CLASP1: variants seen among roughly 807,000 people sequenced by gnomAD.
CLASP1 encodes the protein cytoplasmic linker associated protein 1.
Under a neutral mutation model 192.3 loss-of-function variants are expected in CLASP1, and 38 were observed. The ratio of observed to expected loss-of-function variants is 0.20; its 90% CI spans 0.15 to 0.26. The LOEUF (loss-of-function observed/expected upper bound fraction) is 0.26. Ranked by LOEUF, CLASP1 falls within the 10% of genes least tolerant of loss-of-function variation. CLASP1 has a pLI of 1.00. For missense variants in CLASP1, 1,433 were observed against 1,932.5 expected, an observed-to-expected ratio of 0.74 and a Z score of 4.85; for synonymous variants, 691 against 712.8, an observed-to-expected ratio of 0.97 and a Z score of 0.49.
intron 2 of CLASP1, among the ~76,000 whole-genome samples, chr2:121,601,366 G>A (rs548885494): frequency 5.2e-4 from 79 of 150,904 alleles, no homozygotes; most frequent in African/African-American, 1.5e-3. Flanking sequence ...TCTGCCTTCC[G>A]GGTTGAAGCA....
At chr2:121,560,107 T>C (rs2058944463) in intron 2 of CLASP1, among the ~76,000 whole-genome samples, 1 of 152,196 alleles carries the variant, frequency 6.6e-6, no homozygotes, top group Admixed American at 6.5e-5. Context: ...GGGTGAAATG[T>C]ACATGGGAAC....
intron 15 of CLASP1, 62 bp downstream of exon 15, chr2:121,451,728 C>G: frequency 7.5e-7 from 1 of 1,337,326 alleles, no homozygotes; most frequent in South Asian, 1.3e-5. Context: ...GGACCACTCA[C>G]CAAAGCATTC....
intron 8 of CLASP1, among the ~76,000 whole-genome samples, chr2:121,497,484 A>G (rs1366259278): frequency 6.6e-6 from 1 of 152,220 alleles, no homozygotes; most frequent in Non-Finnish European, 1.5e-5. Context: ...ATCCTGTACC[A>G]AGATCTGTAT....
intron 6 of CLASP1, among the ~76,000 whole-genome samples, chr2:121,516,955 C>A (rs558120541): frequency 6.6e-6 from 1 of 152,208 alleles, no homozygotes; most frequent in East Asian, 1.9e-4. Context: ...CACTTGGAGG[C>A]GGAGTTTGCA....
At chr2:121,525,137 C>G (rs1040826808) in intron 6 of CLASP1, among the ~76,000 whole-genome samples, 1 of 152,108 alleles carries the variant, frequency 6.6e-6, no homozygotes, top group Non-Finnish European at 1.5e-5. Context: ...AATGAAGTAT[C>G]ATTCTTATCA....
At chr2:121,428,305 T>G (rs1305412079) in intron 20 of CLASP1, among the ~76,000 whole-genome samples, 1 of 152,228 alleles carries the variant, frequency 6.6e-6, no homozygotes, top group Non-Finnish European at 1.5e-5. Context: ...ACCCCAGTGT[T>G]GATAAACAGC....
chr2:121,423,728 A>G (rs537972389), intron 22 of CLASP1, among the ~76,000 whole-genome samples: 3 of 152,328 alleles, frequency 2.0e-5, no homozygotes, highest in East Asian at 3.9e-4. Flanking sequence ...CAACACCCAA[A>G]TAACTTGTCA....
chr2:121,431,791 C>T (rs1352809659), intron 19 of CLASP1, among the ~76,000 whole-genome samples: 3 of 147,772 alleles, frequency 2.0e-5, no homozygotes, highest in Non-Finnish European at 4.5e-5. Context: ...ACCAATAACT[C>T]TGTGGTTTTG....
intron 19 of CLASP1, among the ~76,000 whole-genome samples, chr2:121,442,461 C>T (rs1378357418): frequency 1.3e-5 from 2 of 150,850 alleles, no homozygotes; most frequent in Non-Finnish European, 3.0e-5. Flanking sequence ...TAAACTCAAA[C>T]GTACTGCCTA....
In CLASP1 at chr2:121,448,262, G is replaced by A; in HGVS notation, c.1741+14C>T. 2 of 1,611,964 alleles carry A rather than the reference G, an allele frequency of 1.2e-6. No homozygotes were observed. Among genetic ancestry groups the A allele is most frequent in the Non-Finnish European group, 1.7e-6 (2 of 1,178,016 alleles). ...GAGCGGAGAACAGGCCTTCTCCACG[G>A]CTGTCAGTCTCACCTCTAGATGTGG... On this transcript the variant is annotated intron_variant, in intron 18 of 39. Transcript: ENST00000263710.
intron 2 of CLASP1, among the ~76,000 whole-genome samples, chr2:121,555,533 G>C (rs2058467942): frequency 6.6e-6 from 1 of 152,172 alleles, no homozygotes; most frequent in Non-Finnish European, 1.5e-5. Flanking sequence ...AGGTGAATAA[G>C]ACAAACAGGA....
At chr2:121,563,028 T>C (rs1276138292) in intron 2 of CLASP1, among the ~76,000 whole-genome samples, 1 of 152,180 alleles carries the variant, frequency 6.6e-6, no homozygotes, top group Non-Finnish European at 1.5e-5. Context: ...GGGTTGGGGA[T>C]GGGCAATGTA....
At chr2:121,523,980 T>C (rs2094515367) in intron 6 of CLASP1, among the ~76,000 whole-genome samples, 1 of 152,208 alleles carries the variant, frequency 6.6e-6, no homozygotes, top group African/African-American at 2.4e-5. Flanking sequence ...AGTGCTCCCC[T>C]CCCCAAACCA....
chr2:121,477,950 T>C (rs982541964), intron 8 of CLASP1, among the ~76,000 whole-genome samples: 2 of 152,230 alleles, frequency 1.3e-5, no homozygotes, highest in African/African-American at 4.8e-5. Context: ...TAGGAGGTGC[T>C]GGGCACTGTG....
intron 2 of CLASP1, among the ~76,000 whole-genome samples, chr2:121,549,629 G>A (rs2057817856): frequency 7.1e-6 from 1 of 141,828 alleles, no homozygotes; most frequent in Non-Finnish European, 1.5e-5. Flanking sequence ...AAAAATAACA[G>A]AATATATATG....
At chr2:121,479,156 T>C (rs998769117) in intron 8 of CLASP1, among the ~76,000 whole-genome samples, 13 of 149,218 alleles carry the variant, frequency 8.7e-5, no homozygotes, top group African/African-American at 2.5e-4. Context: ...ACTACTTCTA[T>C]TCAACATTGT....
In CLASP1 at chr2:121,469,826, G is replaced by A. The variant is rs200579174; in HGVS notation, c.847C>T (p.Leu283Phe). Residue 283 changes from leucine (L) to phenylalanine (F), a missense_variant, in exon 9 of 40, where the codon CTT (leucine) becomes TTT (phenylalanine). Leu to Phe is a conservative substitution (Grantham distance 22, BLOSUM62 0). This residue lies in a region of CLASP1 where 282 missense variants were observed against 359.9 expected (regional missense o/e 0.78). Transcript: ENST00000263710. ...GACTAACCTGAAGACTTGGATCCAA[G>A]GGTGGATGAACCAAGCCGGCGGGTG... is the stretch of plus-strand genomic sequence containing the variant. 4.4e-5 allele frequency: 71 copies of A among 1,612,882 alleles called. No individual in the cohort carries two copies. Among genetic ancestry groups the A allele is most frequent in the Non-Finnish European group, 6.0e-5 (71 of 1,179,520 alleles).
At chr2:121,495,142 G>A (rs1443548725) in intron 8 of CLASP1, among the ~76,000 whole-genome samples, 1 of 152,108 alleles carries the variant, frequency 6.6e-6, no homozygotes, top group Admixed American at 6.5e-5. Flanking sequence ...CTAACACAGT[G>A]AAACTCCATC....
intron 1 of CLASP1, among the ~76,000 whole-genome samples, chr2:121,628,886 CAAA>C (rs749588305): frequency 5.1e-5 from 4 of 78,096 alleles, no homozygotes; most frequent in Admixed American, 1.6e-4. Flanking sequence ...GACTCCATCT[CAAA>C]AAAAAAAAAA....
Sources: allele counts gnomAD v4.1 joint callset (sites outside exome capture counted in the v4.1 genomes callset), GRCh38; gene constraint gnomAD v4.1.1; regional missense constraint gnomAD v4.1.1; transcripts MANE v1.5; gene names NCBI Gene and HGNC (gene_info 2026-07-23, HGNC 2026-07-21).